TTC28: variants seen among roughly 807,000 people sequenced by gnomAD.
TTC28 encodes tetratricopeptide repeat domain 28.
TTC28 carries 61 observed loss-of-function variants against 198.0 expected under a neutral mutation model. That is an observed-to-expected ratio of 0.31 (90% CI 0.25 to 0.38). The LOEUF (loss-of-function observed/expected upper bound fraction) is 0.38. TTC28 is among the 10% of genes least tolerant of loss of function. The probability of loss-of-function intolerance (pLI) is 1.00; values close to 1 mark genes in which losing one functional copy is unlikely to be tolerated. For synonymous variants in TTC28, 1,171 were observed against 1,297.8 expected (o/e 0.90, Z 2.10); for missense variants, 2,678 against 3,164.0 (o/e 0.85, Z 3.69).
intron 2 of TTC28, among the ~76,000 whole-genome samples, chr22:28,540,636 A>T (rs2049392936): frequency 6.6e-6 from 1 of 152,198 alleles, no homozygotes; most frequent in South Asian, 2.1e-4. Context: ...TCAAATTAGG[A>T]GCAAATTTTA....
At chr22:28,006,811 C>A (rs947166565) in intron 14 of TTC28, 3 of 152,224 alleles carry the variant, frequency 2.0e-5, no homozygotes, top group Non-Finnish European at 4.4e-5. Context: ...TGGTTGAGTA[C>A]AGGTCGAGCT....
chr22:28,633,817 C>G (rs1351969290), intron 1 of TTC28, among the ~76,000 whole-genome samples: 1 of 152,140 alleles, frequency 6.6e-6, no homozygotes, highest in Non-Finnish European at 1.5e-5. Flanking sequence ...AAATAAATCT[C>G]TTCTTTAGTG....
At chr22:28,320,807 T>C (rs1391928020) in intron 2 of TTC28, among the ~76,000 whole-genome samples, 2 of 152,170 alleles carry the variant, frequency 1.3e-5, no homozygotes, top group East Asian at 3.8e-4. Context: ...GGTTCCAAAC[T>C]AAATAATGGT....
At position 28,199,548 on chromosome 22, in the gene TTC28, T is replaced by TATATATATATATATATATATATATACAC. The variant is rs60177369; in HGVS notation, c.934-35950_934-35949insGTGTATATATATATATATATATATATAT. Among the ~76,000 whole-genome samples the TATATATATATATATATATATATATACAC allele has an allele frequency of 9.6e-4, 141 of 147,386 alleles. 1 individual carries two copies. The highest frequency in any genetic ancestry group is 3.4e-3 in the African/African-American group (135 of 39,394). On this transcript the variant is annotated intron_variant, in intron 5 of 22. Transcript: ENST00000397906. ...ACCTATACATATATATATATATATA[T>TATATATATATATATATATATATATACAC]ACACACAAACACTAAATTATTTGTG...
In TTC28 at chr22:28,549,563, C is replaced by T. The variant is rs182827068; in HGVS notation, c.381+79989G>A. 1.6e-3 allele frequency among the ~76,000 whole-genome samples: 246 copies of T among 152,294 alleles called. 1 individual carries two copies. The highest frequency in any genetic ancestry group is 2.2e-3 in the Non-Finnish European group (147 of 68,032). On this transcript the variant is annotated intron_variant, in intron 2 of 22. Transcript: ENST00000397906. Reference sequence around the variant, plus strand: ...ACAGTTCTCAAAGGATTTGGATTCTCTCCTTTTTAAGTCTATCTTAATTCT... The same window carrying T: ...ACAGTTCTCAAAGGATTTGGATTCTTTCCTTTTTAAGTCTATCTTAATTCT...
At chr22:28,475,027 A>G (rs1427414861) in intron 2 of TTC28, among the ~76,000 whole-genome samples, 3 of 151,750 alleles carry the variant, frequency 2.0e-5, no homozygotes, top group Non-Finnish European at 4.4e-5. Context: ...TAAGAAAACA[A>G]AAGTCCTAGC....
At chr22:28,530,589 C>T (rs1177351108) in intron 2 of TTC28, among the ~76,000 whole-genome samples, 1 of 152,090 alleles carries the variant, frequency 6.6e-6, no homozygotes, top group African/African-American at 2.4e-5. Context: ...AGAAGAGCAA[C>T]TCTAAGACAC....
intron 1 of TTC28, among the ~76,000 whole-genome samples, chr22:28,662,804 AG>A (rs2051769474): frequency 6.6e-6 from 1 of 152,238 alleles, no homozygotes; most frequent in African/African-American, 2.4e-5. Context: ...ATTCAACAAA[AG>A]CATTATGTGA....
At chr22:28,018,306 C>CGCGCGCACGCGCGCG (rs1451764096) in intron 13 of TTC28, among the ~76,000 whole-genome samples, 17 of 49,254 alleles carry the variant, frequency 3.5e-4, no homozygotes, top group African/African-American at 9.6e-4. Context: ...TGTGCGCGCG[C>CGCGCGCACGCGCGCG]GGGGGGGGGG....
At chr22:28,293,668 C>T (rs1377760111) in intron 5 of TTC28, among the ~76,000 whole-genome samples, 2 of 152,014 alleles carry the variant, frequency 1.3e-5, no homozygotes, top group African/African-American at 4.8e-5. Context: ...TGAATGCTTA[C>T]TATGTATCAG....
intron 6 of TTC28, among the ~76,000 whole-genome samples, chr22:28,151,668 T>C (rs1055900584): frequency 1.3e-5 from 2 of 152,354 alleles, no homozygotes; most frequent in African/African-American, 2.4e-5. Context: ...AATCATTTTC[T>C]GCAAGGCCTC....
At chr22:28,033,201 G>A (rs959901215) in intron 12 of TTC28, among the ~76,000 whole-genome samples, 1 of 152,072 alleles carries the variant, frequency 6.6e-6, no homozygotes, top group African/African-American at 2.4e-5. Context: ...CTGCTTAATG[G>A]GGTTGTTTCC....
chr22:28,624,241 G>A (rs2051043208), intron 2 of TTC28, among the ~76,000 whole-genome samples: 1 of 152,070 alleles, frequency 6.6e-6, no homozygotes, highest in Non-Finnish European at 1.5e-5. Context: ...AGCCAGGCGT[G>A]GTGGCAGGTG....
chr22:28,609,607 T>C (rs12165715), intron 2 of TTC28, among the ~76,000 whole-genome samples: 20,642 of 152,196 alleles, frequency 0.14, 1,641 homozygotes, highest in African/African-American at 0.2. Flanking sequence ...CCGATGCCTA[T>C]GCCACCAGGG....
Position 27,982,646 on chromosome 22 carries a change from C to T in TTC28, c.7021G>A (p.Asp2341Asn), listed in dbSNP as rs946535906. Reference protein sequence around the residue: ...SARSSPADAPDIDKLKMAAID... With the variant: ...SARSSPADAPNIDKLKMAAID... ...GCTGCCATTTTCAGTTTGTCTATGT[C>T]GGGAGCGTCTGCTGGACTTGAGCGA... is the stretch of plus-strand genomic sequence containing the variant. The change falls in exon 23 of 23, where the codon GAC becomes AAC. Residue 2341 changes from aspartate to asparagine, a missense_variant. Transcript: ENST00000397906. The surrounding 1 kb of genome is among the most constrained non-coding windows in gnomAD (Gnocchi z 5.2). The T allele has an allele frequency of 3.2e-6, 5 of 1,551,586 alleles. No individual in the cohort carries two copies. Among genetic ancestry groups the T allele is most frequent in the East Asian group, 2.4e-5 (1 of 40,888 alleles).
intron 2 of TTC28, among the ~76,000 whole-genome samples, chr22:28,378,281 G>A (rs1363946281): frequency 1.3e-5 from 2 of 150,458 alleles, no homozygotes; most frequent in Non-Finnish European, 2.9e-5. Flanking sequence ...GGGAGGCGGA[G>A]GTTGCAGTGA....
intron 2 of TTC28, among the ~76,000 whole-genome samples, chr22:28,325,496 C>T (rs1490247630): frequency 1.3e-5 from 2 of 152,068 alleles, no homozygotes; most frequent in Non-Finnish European, 2.9e-5. Context: ...AGCAGGGCTT[C>T]CTCAAAATTA....
At chr22:28,042,189 A>G (rs1448187958) in intron 12 of TTC28, among the ~76,000 whole-genome samples, 1 of 152,138 alleles carries the variant, frequency 6.6e-6, no homozygotes, top group Non-Finnish European at 1.5e-5. Context: ...TCAAGGATCT[A>G]GAACTAGAAA....
At chr22:28,606,950 T>C (rs1221845184) in intron 2 of TTC28, among the ~76,000 whole-genome samples, 1 of 152,162 alleles carries the variant, frequency 6.6e-6, no homozygotes, top group Non-Finnish European at 1.5e-5. Context: ...ATCAAGTATT[T>C]TAAGCTGAAG....
Sources: gnomAD v4.1 joint callset for allele counts (sites outside exome capture counted in the v4.1 genomes callset) on GRCh38, gnomAD v4.1.1 for gene constraint, Gnocchi (gnomAD v3.1) non-coding constraint, MANE v1.5 for transcripts, NCBI Gene and HGNC (gene_info 2026-07-23, HGNC 2026-07-21) for gene names.